SPAG16: variants seen among roughly 807,000 people sequenced by gnomAD.
SPAG16 encodes sperm-associated antigen 16 protein.
A neutral mutation model predicts 80.4 loss-of-function variants in SPAG16; 86 were observed. The observed-to-expected ratio is 1.07, with a 90% CI of 0.90 to 1.28. SPAG16 has a LOEUF of 1.28. SPAG16 is among the 50% of genes most tolerant of loss of function. The pLI, the probability that SPAG16 is intolerant of heterozygous loss-of-function variation, is 0.00. For synonymous variants in SPAG16, 294 were observed against 265.9 expected, an observed-to-expected ratio of 1.11 and a Z score of -1.03; for missense variants, 870 against 765.3, an observed-to-expected ratio of 1.14 and a Z score of -1.61.
At chr2:213,624,332 A>G (rs2061886643) in intron 10 of SPAG16, among the ~76,000 whole-genome samples, 1 of 152,176 alleles carries the variant, frequency 6.6e-6, no homozygotes, top group African/African-American at 2.4e-5. Flanking sequence ...TCCAGAAGCA[A>G]ACAGAATTTT....
intron 10 of SPAG16, among the ~76,000 whole-genome samples, chr2:213,509,330 C>T (rs866069784): frequency 3.3e-5 from 5 of 152,242 alleles, no homozygotes; most frequent in Middle Eastern, 3.4e-3. Flanking sequence ...TAATTGATGA[C>T]CTCATAAGCA....
At chr2:214,014,758 C>T (rs2047499428) in intron 13 of SPAG16, among the ~76,000 whole-genome samples, 1 of 152,134 alleles carries the variant, frequency 6.6e-6, no homozygotes, top group Non-Finnish European at 1.5e-5. Context: ...TGATTAAAGT[C>T]TTAAACTATT....
intron 9 of SPAG16, among the ~76,000 whole-genome samples, chr2:213,413,120 A>G (rs913513885): frequency 6.6e-6 from 1 of 152,040 alleles, no homozygotes; most frequent in Non-Finnish European, 1.5e-5. Flanking sequence ...AAATGAGACT[A>G]TAAATGGTTT....
At chr2:213,415,667 A>G (rs1278000905) in intron 9 of SPAG16, among the ~76,000 whole-genome samples, 1 of 152,218 alleles carries the variant, frequency 6.6e-6, no homozygotes, top group Non-Finnish European at 1.5e-5. Flanking sequence ...CAGTGTTATC[A>G]TTCATTGGAA....
At chr2:214,316,946 C>T (rs1050049290) in intron 15 of SPAG16, among the ~76,000 whole-genome samples, 1 of 152,162 alleles carries the variant, frequency 6.6e-6, no homozygotes, top group Non-Finnish European at 1.5e-5. Context: ...CACTGTGATC[C>T]AAATAAGTTA....
At chr2:213,800,211 C>T (rs1386433382) in intron 10 of SPAG16, among the ~76,000 whole-genome samples, 1 of 152,028 alleles carries the variant, frequency 6.6e-6, no homozygotes, top group African/African-American at 2.4e-5. Flanking sequence ...CACCTAATAT[C>T]CTGGTTTTTA....
chr2:213,621,725 T>G (rs1436540152), intron 10 of SPAG16, among the ~76,000 whole-genome samples: 1 of 152,168 alleles, frequency 6.6e-6, no homozygotes, highest in Non-Finnish European at 1.5e-5. Context: ...TTAGCAATGG[T>G]GAGCTGTTTA....
At chr2:213,465,373 C>A (rs2125630468) in intron 9 of SPAG16, among the ~76,000 whole-genome samples, 1 of 152,282 alleles carries the variant, frequency 6.6e-6, no homozygotes, top group South Asian at 2.1e-4. Context: ...TGTGTATTCT[C>A]CTTTATCCCT....
intron 9 of SPAG16, among the ~76,000 whole-genome samples, chr2:213,430,048 T>C (rs1559124918): frequency 6.6e-6 from 1 of 152,092 alleles, no homozygotes; most frequent in Non-Finnish European, 1.5e-5. Flanking sequence ...TTAAAGAAGA[T>C]CAATGAGTTG....
At chr2:214,077,095 T>C (rs1339919452) in intron 13 of SPAG16, among the ~76,000 whole-genome samples, 1 of 152,198 alleles carries the variant, frequency 6.6e-6, no homozygotes, top group East Asian at 1.9e-4. Flanking sequence ...TTGCATCTTA[T>C]AATCTGATGA....
chr2:213,408,440 A>G (rs960995642), intron 9 of SPAG16, among the ~76,000 whole-genome samples: 1 of 152,264 alleles, frequency 6.6e-6, no homozygotes, highest in African/African-American at 2.4e-5. Flanking sequence ...AGTTTAGTTC[A>G]GGACTATCCT....
At chr2:213,791,558 T>G (rs1157499331) in intron 10 of SPAG16, among the ~76,000 whole-genome samples, 3 of 152,138 alleles carry the variant, frequency 2.0e-5, no homozygotes, top group Non-Finnish European at 4.4e-5. Context: ...AGACTAGTGT[T>G]CTCTCAGCAG....
At chr2:213,548,980 A>G (rs528921493) in intron 10 of SPAG16, among the ~76,000 whole-genome samples, 1 of 152,084 alleles carries the variant, frequency 6.6e-6, no homozygotes, top group Non-Finnish European at 1.5e-5. Context: ...TTTTTTTTCC[A>G]GATGACACTG....
In SPAG16 at chr2:213,783,432, ATATC is replaced by A. The variant is rs1027005345; in HGVS notation, c.1071-79049_1071-79046del. On this transcript the variant is annotated intron_variant, in intron 10 of 15. Coordinates refer to ENST00000331683, the MANE Select transcript of SPAG16 (RefSeq NM_024532.5). ...ATACATTTTTGAAGGCAGAGTATCTATATCTATTATTTTTTTTAAGAACACATTG... is the reference window on the plus strand; with the variant it reads ...ATACATTTTTGAAGGCAGAGTATCTATATTATTTTTTTTAAGAACACATTG... Among the ~76,000 whole-genome samples, 6 of 148,458 alleles carry A rather than the reference ATATC, an allele frequency of 4.0e-5. No individual in the cohort carries two copies. In the East Asian group the frequency reaches 1.0e-3, roughly 25 times the overall value.
At chr2:214,269,194 C>T (rs566312024) in intron 15 of SPAG16, among the ~76,000 whole-genome samples, 3 of 152,020 alleles carry the variant, frequency 2.0e-5, no homozygotes, top group East Asian at 3.9e-4. Context: ...ATATCATAAT[C>T]AAGGGAATTG....
chr2:213,343,176 G>T (rs1390435390), intron 6 of SPAG16, among the ~76,000 whole-genome samples: 4 of 152,240 alleles, frequency 2.6e-5, no homozygotes, highest in East Asian at 3.9e-4. Flanking sequence ...GATTCCAGAG[G>T]TTGCACAGTG....
intron 10 of SPAG16, among the ~76,000 whole-genome samples, chr2:213,768,725 T>G (rs906575264): frequency 7.9e-5 from 12 of 152,226 alleles, no homozygotes; most frequent in Middle Eastern, 3.4e-3. Context: ...CATATCTGGG[T>G]GTGTGGCTCA....
chr2:213,929,711 G>T (rs2078664014), intron 11 of SPAG16, among the ~76,000 whole-genome samples: 1 of 152,040 alleles, frequency 6.6e-6, no homozygotes. Flanking sequence ...TAATCTAGAA[G>T]AATCTAGCAG....
At chr2:213,709,638 GT>G (rs1360496673) in intron 10 of SPAG16, among the ~76,000 whole-genome samples, 2 of 151,766 alleles carry the variant, frequency 1.3e-5, no homozygotes, top group Non-Finnish European at 2.9e-5. Flanking sequence ...ACCTTACTCT[GT>G]TTTTTTCAAG....
Sources: allele counts gnomAD v4.1 joint callset (sites outside exome capture counted in the v4.1 genomes callset), GRCh38; gene constraint gnomAD v4.1.1; transcripts MANE v1.5; gene names NCBI Gene and HGNC (gene_info 2026-07-23, HGNC 2026-07-21).